Variants in INO80C observed in about 807,000 individuals in gnomAD.
INO80C encodes the protein INO80 complex subunit C.
Under a neutral mutation model 17.7 loss-of-function variants are expected in INO80C, and 17 were observed. That is an observed-to-expected ratio of 0.96 (90% CI 0.66 to 1.44). The LOEUF (loss-of-function observed/expected upper bound fraction) is 1.44, where lower values mean the gene tolerates loss of function less well. Among genes scored for constraint, INO80C ranks in the 40% most tolerant of loss-of-function variants. INO80C has a pLI of 0.00. For missense variants in INO80C, 244 were observed against 245.0 expected (o/e 1.00, Z 0.03); for synonymous variants, 96 against 95.8 (o/e 1.00, Z -0.01).
intron 4 of INO80C, among the ~76,000 whole-genome samples, chr18:35,469,844 A>C (rs1238550957): frequency 6.6e-6 from 1 of 152,220 alleles, no homozygotes; most frequent in African/African-American, 2.4e-5. Flanking sequence ...TAACAAAATG[A>C]ATGACTAATG....
chr18:35,496,355 T>C (rs2045981217), intron 1 of INO80C, among the ~76,000 whole-genome samples: 1 of 152,218 alleles, frequency 6.6e-6, no homozygotes, highest in African/African-American at 2.4e-5. Context: ...AAGAATATGT[T>C]CCCTATTGTC....
At chr18:35,469,350 T>A (rs1019352172) in intron 4 of INO80C, among the ~76,000 whole-genome samples, 20 of 152,226 alleles carry the variant, frequency 1.3e-4, no homozygotes, top group African/African-American at 4.1e-4. Flanking sequence ...AAATGGCTCC[T>A]CTGCTCTTGG....
chr18:35,480,513 A>G lies in INO80C; in HGVS notation c.207T>C (p.Phe69=). The G allele has an allele frequency of 6.2e-7, 1 of 1,614,122 alleles. No homozygotes were observed. Residue 69 remains phenylalanine, a synonymous_variant, in exon 2 of 5, where the codon TTT becomes TTC. Coordinates refer to ENST00000334598, the MANE Select transcript of INO80C (RefSeq NM_194281.4). ...CAGCTTTTTCCACAGGTCCTGTGCT[A>G]AACTCAGAGGGCACCATTTTATTCT... is the stretch of plus-strand genomic sequence containing the variant. ...MSENKMVPSE[F]STGPVEKAAK...
intron 2 of INO80C, among the ~76,000 whole-genome samples, chr18:35,479,933 G>T (rs1339024749): frequency 6.1e-5 from 9 of 146,556 alleles, no homozygotes; most frequent in Admixed American, 5.5e-4. Flanking sequence ...AAATGGAAAA[G>T]AATACCAAAA....
intron 4 of INO80C, among the ~76,000 whole-genome samples, chr18:35,471,256 C>T (rs1404331516): frequency 6.6e-6 from 1 of 152,222 alleles, no homozygotes; most frequent in Non-Finnish European, 1.5e-5. Flanking sequence ...TCACCATCTA[C>T]CATCCAAAAG....
chr18:35,469,039 C>T (rs1456630122), intron 4 of INO80C, among the ~76,000 whole-genome samples: 8 of 152,188 alleles, frequency 5.3e-5, no homozygotes, highest in African/African-American at 1.9e-4. Flanking sequence ...TCATGATGGT[C>T]ATCCCTCCCT....
chr18:35,469,527 A>T (rs2045644417), intron 4 of INO80C, among the ~76,000 whole-genome samples: 2 of 151,898 alleles, frequency 1.3e-5, no homozygotes, highest in Non-Finnish European at 2.9e-5. Context: ...GGGGACCCCA[A>T]CTGCAGCCCA....
chr18:35,487,915 C>G (rs931928439), intron 1 of INO80C: 2 of 152,150 alleles, frequency 1.3e-5, no homozygotes, highest in African/African-American at 2.4e-5. Flanking sequence ...GAGAAATAGG[C>G]CAAAACAAAG....
intron 4 of INO80C, among the ~76,000 whole-genome samples, chr18:35,472,603 G>A (rs906469546): frequency 1.4e-4 from 22 of 152,010 alleles, no homozygotes; most frequent in South Asian, 8.3e-4. Context: ...ATTTCTCTAG[G>A]GAGCTGCCTA....
chr18:35,497,430 A>G, intron 1 of INO80C: 1 of 1,219,808 alleles, frequency 8.2e-7, no homozygotes, highest in Non-Finnish European at 1.0e-6. Context: ...ATTAGTCCTG[A>G]ACCTCATGCT....
intron 1 of INO80C, among the ~76,000 whole-genome samples, chr18:35,484,519 G>A (rs1320104536): frequency 6.6e-6 from 1 of 152,142 alleles, no homozygotes; most frequent in Non-Finnish European, 1.5e-5. Flanking sequence ...ACATTTGGTG[G>A]GGGAAAAATG....
At chr18:35,496,543 A>G (rs1444109854) in intron 1 of INO80C, among the ~76,000 whole-genome samples, 1 of 152,206 alleles carries the variant, frequency 6.6e-6, no homozygotes, top group Non-Finnish European at 1.5e-5. Context: ...GTAAAAGGGC[A>G]CTGGATCTGT....
chr18:35,497,802 C>T lies in INO80C; in HGVS notation c.73G>A (p.Ala25Thr). 6.2e-7 allele frequency: 1 copy of T among 1,612,922 alleles called. No individual in the cohort carries two copies. The change falls in exon 1 of 5, where the codon GCC (alanine) becomes ACC (threonine). Residue 25 changes from alanine (A) to threonine (T), a missense_variant. Transcript: ENST00000334598. ...CTGCTGCCATTGTGGGAAGGGCTGG[C>T]CGGCCTCTTCTTGCTGTTCCGGACT... The part of the protein sequence containing the change: ...GIVRNSKKRP[A>T]SPSHNGSSGG...
At chr18:35,483,719 A>T (rs1462419955) in intron 1 of INO80C, 1 of 152,202 alleles carries the variant, frequency 6.6e-6, no homozygotes, top group African/African-American at 2.4e-5. Flanking sequence ...ACAAGGAAGC[A>T]TCTCTGGCTG....
intron 4 of INO80C, among the ~76,000 whole-genome samples, chr18:35,474,073 C>T (rs9948675): frequency 0.96 from 144,779 of 150,790 alleles, 69,543 homozygotes; most frequent in East Asian, 1. Context: ...AGGCAGTCAA[C>T]AGAAACTGGC....
intron 1 of INO80C, among the ~76,000 whole-genome samples, chr18:35,488,679 G>A (rs953280382): frequency 1.3e-5 from 2 of 152,214 alleles, no homozygotes; most frequent in African/African-American, 2.4e-5. Context: ...TTGTCTTGGT[G>A]ATTAACATTT....
intron 1 of INO80C, 39 bp downstream of exon 1, chr18:35,497,680 C>A (rs1273923053): frequency 6.3e-7 from 1 of 1,591,410 alleles, no homozygotes; most frequent in African/African-American, 1.4e-5. Flanking sequence ...AGTCCCGTTT[C>A]GCGACGCGCA....
intron 1 of INO80C, among the ~76,000 whole-genome samples, chr18:35,483,051 A>G (rs961605740): frequency 1.3e-5 from 2 of 151,988 alleles, no homozygotes; most frequent in African/African-American, 4.8e-5. Flanking sequence ...TGCGATATCC[A>G]TTTAGCCATT....
chr18:35,476,887 G>A (rs1354667532), intron 4 of INO80C, among the ~76,000 whole-genome samples: 1 of 152,042 alleles, frequency 6.6e-6, no homozygotes. Context: ...GAAAAAGAAA[G>A]ACCCAACAAC....
Sources: gnomAD v4.1 joint callset for allele counts (sites outside exome capture counted in the v4.1 genomes callset) on GRCh38, gnomAD v4.1.1 for gene constraint, MANE v1.5 for transcripts, NCBI Gene and HGNC (gene_info 2026-07-23, HGNC 2026-07-21) for gene names.